The following SATB2 variants were observed in gnomAD, a reference collection of about 807,000 sequenced individuals.
The protein encoded by SATB2 is SATB homeobox 2.
SATB2 carries 1 observed loss-of-function variant against 73.4 expected under a neutral mutation model. The ratio of observed to expected loss-of-function variants is 0.01; its 90% CI spans 0.00 to 0.06. SATB2 has a LOEUF of 0.06. SATB2 is among the 10% of genes least tolerant of loss of function. The pLI is 1.00. For synonymous variants in SATB2, 397 were observed against 367.0 expected (o/e 1.08, Z -0.93); for missense variants, 459 against 945.8 (o/e 0.49, Z 6.75).
intron 2 of SATB2, among the ~76,000 whole-genome samples, chr2:199,451,001 G>GCT (rs1343427312): frequency 2.0e-5 from 3 of 151,940 alleles, no homozygotes; most frequent in Admixed American, 2.0e-4. Context: ...TACAGACTTT[G>GCT]CTGGTTACAA....
At chr2:199,443,157 A>G (rs1691869688) in intron 2 of SATB2, among the ~76,000 whole-genome samples, 1 of 152,014 alleles carries the variant, frequency 6.6e-6, no homozygotes, top group Admixed American at 6.6e-5. Context: ...CCATGCATCA[A>G]AAAAGGAGTC....
chr2:199,326,763 C>A (rs1688040132), intron 8 of SATB2, among the ~76,000 whole-genome samples: 1 of 151,974 alleles, frequency 6.6e-6, no homozygotes. Flanking sequence ...ATGTATGTCC[C>A]CAGATTTTTT....
chr2:199,272,677 T>G lies in SATB2; in HGVS notation c.1741-5A>C. Reference sequence around the variant, plus strand: ...AGACTGCTGTCTATGAAGTACCTGATAATTAAGAGAGAAAAAAATGAACAC... The same window carrying G: ...AGACTGCTGTCTATGAAGTACCTGAGAATTAAGAGAGAAAAAAATGAACAC... On this transcript the variant is annotated splice_polypyrimidine_tract_variant and splice_region_variant and intron_variant, in intron 10 of 10. Coordinates refer to ENST00000417098, the MANE Select transcript of SATB2 (RefSeq NM_001172509.2). This position sits in a 1 kb window ranked among gnomAD's most constrained non-coding sequence, Gnocchi z 6.7. The G allele has an allele frequency of 6.2e-7, 1 of 1,612,982 alleles. No individual in the cohort carries two copies. The highest frequency in any genetic ancestry group is 1.1e-5 in the South Asian group (1 of 91,056).
rs983915426 is a variant in SATB2 at position 199,323,741 on chromosome 2, G to C, written c.1542+62C>G. The C allele has an allele frequency of 2.7e-5, 40 of 1,456,642 alleles. No individual in the cohort carries two copies. The South Asian group carries it at 3.2e-4, about 12-fold the overall frequency. The allele number at this position is 1,456,642 out of a possible 1,614,324, so 90.2% of individuals were successfully genotyped here. A position where few individuals can be genotyped will look rare whatever the true frequency, so the allele number is the denominator to read the frequency against. ...TTATAGGAACAGATGTATTTTTATTGGTGGAGGAAGGAGAAGGATCTAATT... is the reference window on the plus strand; with the variant it reads ...TTATAGGAACAGATGTATTTTTATTCGTGGAGGAAGGAGAAGGATCTAATT... On this transcript the variant is annotated intron_variant, in intron 9 of 10. Coordinates refer to ENST00000417098, the MANE Select transcript of SATB2 (RefSeq NM_001172509.2).
chr2:199,273,858 G>A (rs191422971), intron 10 of SATB2, among the ~76,000 whole-genome samples: 9 of 151,982 alleles, frequency 5.9e-5, no homozygotes, highest in East Asian at 3.9e-4. Context: ...ACTCAGTCCC[G>A]GCTCTCCCCA....
At chr2:199,458,607 G>C (rs1430875594), upstream of SATB2, 2 of 433,224 alleles carry the variant, frequency 4.6e-6, no homozygotes, top group Non-Finnish European at 9.2e-6. Flanking sequence ...CGGAGGCGGC[G>C]GCGACAAGGC....
intron 5 of SATB2, among the ~76,000 whole-genome samples, chr2:199,379,939 A>G (rs1481319472): frequency 6.6e-6 from 1 of 151,852 alleles, no homozygotes; most frequent in African/African-American, 2.4e-5. Context: ...GCTAGAGTAC[A>G]GTGGTGTGAT....
chr2:199,314,896 C>T (rs757696000), intron 9 of SATB2, among the ~76,000 whole-genome samples: 7 of 152,068 alleles, frequency 4.6e-5, no homozygotes, highest in Non-Finnish European at 1.0e-4. Flanking sequence ...TTTCCCCCAC[C>T]TTCTTCCTTT....
chr2:199,376,464 C>T (rs920768780), intron 5 of SATB2, among the ~76,000 whole-genome samples: 1 of 152,094 alleles, frequency 6.6e-6, no homozygotes, highest in Non-Finnish European at 1.5e-5. Flanking sequence ...CATCTGGAGA[C>T]ATTTTGGTTG....
chr2:199,434,941 G>C lies in SATB2; in HGVS notation c.170-1427C>G, dbSNP rs192185582. Among the ~76,000 whole-genome samples the C allele has an allele frequency of 5.3e-3, 802 of 152,154 alleles. 3 individuals are homozygous for C. Among genetic ancestry groups the C allele is most frequent in the Non-Finnish European group, 8.4e-3 (570 of 68,016 alleles). On this transcript the variant is annotated intron_variant, in intron 2 of 10. Coordinates refer to ENST00000417098, the MANE Select transcript of SATB2 (RefSeq NM_001172509.2). ...TAATTATTATTATTAAAGATAATAAGTATTGGGTGTAATTATTAAATATAA... is the reference window on the plus strand; with the variant it reads ...TAATTATTATTATTAAAGATAATAACTATTGGGTGTAATTATTAAATATAA...
intron 6 of SATB2, among the ~76,000 whole-genome samples, chr2:199,353,581 G>A (rs1688885538): frequency 6.6e-6 from 1 of 152,050 alleles, no homozygotes; most frequent in Admixed American, 6.6e-5. Context: ...AAAAAGAGAG[G>A]GAGTATCAGG....
intron 6 of SATB2, 118 bp downstream of exon 6, chr2:199,368,487 C>G (rs572407129): frequency 2.8e-6 from 2 of 703,230 alleles, no homozygotes; most frequent in East Asian, 5.4e-5. Context: ...TTAAAGATCT[C>G]ACCTTTGTAA....
intron 10 of SATB2, among the ~76,000 whole-genome samples, chr2:199,300,374 T>TAA (rs1687245900): frequency 6.9e-6 from 1 of 144,094 alleles, no homozygotes. Flanking sequence ...TACCAAAATG[T>TAA]CAAAAAAAAA....
intron 5 of SATB2, 56 bp downstream of exon 5, chr2:199,380,308 A>C: frequency 1.1e-4 from 168 of 1,597,398 alleles, no homozygotes; most frequent in Middle Eastern, 1.7e-4. Flanking sequence ...ACCCCCTGAT[A>C]GAGAGTCTAC....
At chr2:199,431,420 T>G (rs928855519) in intron 3 of SATB2, among the ~76,000 whole-genome samples, 17 of 152,198 alleles carry the variant, frequency 1.1e-4, no homozygotes, top group African/African-American at 4.1e-4. Flanking sequence ...GAGATTACAG[T>G]ACGAGACTGA....
At chr2:199,396,821 C>T (rs1381467056) in intron 3 of SATB2, 1 of 152,140 alleles carries the variant, frequency 6.6e-6, no homozygotes, top group Non-Finnish European at 1.5e-5. Flanking sequence ...TACCCGAGGG[C>T]CATACCTAAT....
intron 7 of SATB2, among the ~76,000 whole-genome samples, chr2:199,343,997 T>C (rs1688579264): frequency 6.6e-6 from 1 of 152,226 alleles, no homozygotes. Context: ...TCCAGGAGTC[T>C]AGGTCCTTGG....
At chr2:199,420,898 A>G (rs1163006820) in intron 3 of SATB2, among the ~76,000 whole-genome samples, 1 of 152,116 alleles carries the variant, frequency 6.6e-6, no homozygotes, top group Non-Finnish European at 1.5e-5. Flanking sequence ...ACATAAATTG[A>G]TATTTTTGGT....
At chr2:199,392,261 T>C (rs541566863) in intron 3 of SATB2, among the ~76,000 whole-genome samples, 69 of 152,168 alleles carry the variant, frequency 4.5e-4, no homozygotes, top group Non-Finnish European at 7.7e-4. Context: ...CTTTTTTTTT[T>C]CCCTTCAATT....
Sources: allele counts gnomAD v4.1 joint callset (sites outside exome capture counted in the v4.1 genomes callset), GRCh38; gene constraint gnomAD v4.1.1; non-coding constraint Gnocchi (gnomAD v3.1); transcripts MANE v1.5; gene names NCBI Gene and HGNC (gene_info 2026-07-23, HGNC 2026-07-21).